The following CCDC171 variants were observed in gnomAD, a reference collection of about 807,000 sequenced individuals.
CCDC171 encodes coiled-coil domain containing 171, also known as coiled-coil domain-containing protein 171.
A neutral mutation model predicts 168.2 loss-of-function variants in CCDC171; 177 were observed. The observed-to-expected ratio is 1.05, with a 90% CI of 0.93 to 1.19. CCDC171 has a LOEUF of 1.19. Ranked by LOEUF, CCDC171 falls within the 50% of genes most tolerant of loss-of-function variation. CCDC171 has a pLI of 0.00. For missense variants in CCDC171, 1,991 were observed against 1,539.0 expected (o/e 1.29, Z -4.91); for synonymous variants, 687 against 540.8 (o/e 1.27, Z -3.75).
chr9:15,921,509 A>G (rs1825324682), intron 25 of CCDC171, among the ~76,000 whole-genome samples: 1 of 151,698 alleles, frequency 6.6e-6, no homozygotes, highest in East Asian at 1.9e-4. Context: ...AGTAGAATGT[A>G]GGTTCCATAA....
At chr9:15,556,264 A>G (rs1269900038) in intron 1 of CCDC171, among the ~76,000 whole-genome samples, 1 of 152,098 alleles carries the variant, frequency 6.6e-6, no homozygotes, top group African/African-American at 2.4e-5. Flanking sequence ...CAGTGATGGG[A>G]TGGCTGGGTC....
chr9:16,073,466 A>G, the CCDC171 span, among the ~76,000 whole-genome samples: 78 of 152,266 alleles, frequency 5.1e-4, no homozygotes, highest in African/African-American at 1.9e-3. Flanking sequence ...TATCTCTCTT[A>G]ATTATGTTGC....
intron 8 of CCDC171, among the ~76,000 whole-genome samples, chr9:15,658,245 C>A (rs541689336): frequency 6.6e-6 from 1 of 152,128 alleles, no homozygotes; most frequent in African/African-American, 2.4e-5. Context: ...AGTCCTTTTT[C>A]GTGCTAAGAA....
intron 6 of CCDC171, among the ~76,000 whole-genome samples, chr9:16,033,390 T>C (rs143602052): frequency 7.7e-4 from 118 of 152,304 alleles, no homozygotes; most frequent in African/African-American, 2.6e-3. Flanking sequence ...CTCCACCTCC[T>C]ATCAGAACAG....
At chr9:16,026,044 C>T (rs893661527) in intron 6 of CCDC171, among the ~76,000 whole-genome samples, 1 of 152,150 alleles carries the variant, frequency 6.6e-6, no homozygotes, top group African/African-American at 2.4e-5. Context: ...GGTAAGGAAA[C>T]CAGGCTCAAC....
chr9:15,650,054 G>C (rs984981426), intron 7 of CCDC171, among the ~76,000 whole-genome samples: 9 of 152,174 alleles, frequency 5.9e-5, no homozygotes, highest in Admixed American at 3.9e-4. Context: ...ATACACCATG[G>C]AATACTATGC....
intron 11 of CCDC171, among the ~76,000 whole-genome samples, chr9:15,696,135 T>G (rs972901904): frequency 5.9e-5 from 9 of 152,194 alleles, no homozygotes; most frequent in Non-Finnish European, 1.3e-4. Flanking sequence ...AAATTAAATT[T>G]CTCACTCTTA....
Position 15,785,373 on chromosome 9 carries a change from T to C in CCDC171, c.3267+679T>C, listed in dbSNP as rs1408772185. 3.3e-5 allele frequency among the ~76,000 whole-genome samples: 5 copies of C among 152,268 alleles called. No homozygotes were observed. In the East Asian group the frequency reaches 9.6e-4, roughly 29 times the overall value. On this transcript the variant is annotated intron_variant, in intron 21 of 25. Coordinates refer to ENST00000380701, the MANE Select transcript of CCDC171 (RefSeq NM_173550.4). ...GGAAACAAAAATGATATAGCCACTA[T>C]ATAGGATATCATACTTAATACAGTT...
At chr9:16,082,931 C>T in the CCDC171 span, among the ~76,000 whole-genome samples, 407 of 152,344 alleles carry the variant, frequency 2.7e-3, 1 homozygote, top group African/African-American at 9.5e-3. Context: ...CTTATACTCA[C>T]AGTCCAGCTG....
At chr9:15,640,808 T>TA (rs1261079426) in intron 7 of CCDC171, among the ~76,000 whole-genome samples, 2 of 152,120 alleles carry the variant, frequency 1.3e-5, no homozygotes, top group Non-Finnish European at 2.9e-5. Flanking sequence ...GTTTTACAAA[T>TA]ACTTATCAAA....
intron 3 of CCDC171, among the ~76,000 whole-genome samples, chr9:15,999,218 A>AG (rs1554710000): frequency 6.6e-6 from 1 of 151,706 alleles, no homozygotes; most frequent in African/African-American, 2.4e-5. Flanking sequence ...TGAAAAAAAA[A>AG]GGAAAAGAGG....
At chr9:16,108,211 A>G in the CCDC171 span, among the ~76,000 whole-genome samples, 1 of 152,206 alleles carries the variant, frequency 6.6e-6, no homozygotes, top group Non-Finnish European at 1.5e-5. Flanking sequence ...TGATACTCCA[A>G]TCAGTTGAGC....
At chr9:15,946,062 G>C (rs1828334735) in intron 25 of CCDC171, among the ~76,000 whole-genome samples, 1 of 151,884 alleles carries the variant, frequency 6.6e-6, no homozygotes, top group East Asian at 2.0e-4. Flanking sequence ...TTAGTATAAG[G>C]TGTAAGGAAG....
chr9:15,874,831 T>G, intron 24 of CCDC171, 168 bp downstream of exon 24: 1 of 584,208 alleles, frequency 1.7e-6, no homozygotes, highest in Non-Finnish European at 2.6e-6. Context: ...CAAAATATTG[T>G]TTTTTTCTTT....
At chr9:15,604,157 C>T (rs2043060464) in intron 6 of CCDC171, among the ~76,000 whole-genome samples, 1 of 150,068 alleles carries the variant, frequency 6.7e-6, no homozygotes, top group Non-Finnish European at 1.5e-5. Flanking sequence ...AGACCTTTGT[C>T]AGATGGATAG....
intron 10 of CCDC171, among the ~76,000 whole-genome samples, chr9:15,692,264 T>G (rs982087580): frequency 2.0e-5 from 3 of 151,846 alleles, no homozygotes; most frequent in African/African-American, 7.3e-5. Flanking sequence ...GTCTCAGCTC[T>G]CAGGAGGCTG....
At chr9:15,608,601 C>A (rs1487839672) in intron 6 of CCDC171, among the ~76,000 whole-genome samples, 1 of 151,606 alleles carries the variant, frequency 6.6e-6, no homozygotes, top group African/African-American at 2.4e-5. Flanking sequence ...TGTGAAGTGC[C>A]AGCTTATATT....
chr9:16,054,786 T>G (rs1301382663), intron 1 of CCDC171, among the ~76,000 whole-genome samples: 3 of 152,172 alleles, frequency 2.0e-5, no homozygotes, highest in Non-Finnish European at 4.4e-5. Flanking sequence ...TATTGGCATG[T>G]TGGATGGGAT....
chr9:15,775,025 G>A (rs892049610), intron 18 of CCDC171, among the ~76,000 whole-genome samples: 2 of 152,106 alleles, frequency 1.3e-5, no homozygotes, highest in Non-Finnish European at 2.9e-5. Context: ...GGTGATGGGT[G>A]CACCAGAATT....
Sources: gnomAD v4.1 joint callset for allele counts (sites outside exome capture counted in the v4.1 genomes callset) on GRCh38, gnomAD v4.1.1 for gene constraint, MANE v1.5 for transcripts, NCBI Gene and HGNC (gene_info 2026-07-23, HGNC 2026-07-21) for gene names.